The following GMDS variants were observed in gnomAD, a reference collection of about 807,000 sequenced individuals.
GMDS encodes the protein GDP-mannose 4,6 dehydratase.
A neutral mutation model predicts 49.9 loss-of-function variants in GMDS; 20 were observed. That is an observed-to-expected ratio of 0.40 (90% CI 0.28 to 0.58). GMDS has a LOEUF of 0.58. GMDS is among the 20% of genes least tolerant of loss of function. GMDS has a pLI of 0.42. For synonymous variants in GMDS, 177 were observed against 178.6 expected (o/e 0.99, Z 0.07); for missense variants, 362 against 481.4 (o/e 0.75, Z 2.32).
At chr6:1,780,291 G>A (rs1276700823) in intron 7 of GMDS, among the ~76,000 whole-genome samples, 1 of 152,212 alleles carries the variant, frequency 6.6e-6, no homozygotes, top group East Asian at 1.9e-4. Context: ...CTTCTCATCT[G>A]TAAAATGATG....
intron 9 of GMDS, among the ~76,000 whole-genome samples, chr6:1,648,796 T>C (rs917334692): frequency 6.6e-5 from 10 of 152,218 alleles, no homozygotes; most frequent in African/African-American, 1.9e-4. Context: ...TTTAAACTAT[T>C]ACGGCGATCA....
At chr6:1,931,648 T>C (rs1248483823) in intron 6 of GMDS, among the ~76,000 whole-genome samples, 1 of 152,238 alleles carries the variant, frequency 6.6e-6, no homozygotes, top group Non-Finnish European at 1.5e-5. Context: ...TATTGACTTG[T>C]AAGAATTAAA....
intron 2 of GMDS, 25 bp from the exon 3 acceptor site, chr6:2,117,581 TA>T: frequency 7.9e-7 from 1 of 1,259,234 alleles, no homozygotes; most frequent in African/African-American, 1.5e-5. Context: ...TGTGGAAAGA[TA>T]AATGTGCAAT....
chr6:1,952,760 C>T (rs749103020), intron 6 of GMDS, among the ~76,000 whole-genome samples: 3 of 152,054 alleles, frequency 2.0e-5, no homozygotes, highest in Non-Finnish European at 4.4e-5. Context: ...AAAGAAGATC[C>T]ACAGGGAGAG....
chr6:1,716,156 A>G (rs1489208296), intron 9 of GMDS, among the ~76,000 whole-genome samples: 1 of 152,248 alleles, frequency 6.6e-6, no homozygotes, highest in Non-Finnish European at 1.5e-5. Context: ...GTAAAAAAAG[A>G]TTAAAAACAT....
chr6:2,024,769 C>A (rs1311321125), intron 4 of GMDS, among the ~76,000 whole-genome samples: 2 of 151,698 alleles, frequency 1.3e-5, no homozygotes, highest in South Asian at 2.1e-4. Context: ...ATATCAATAA[C>A]AGCAATAAGT....
At chr6:1,761,616 T>G (rs1439818121) in intron 7 of GMDS, among the ~76,000 whole-genome samples, 1 of 152,240 alleles carries the variant, frequency 6.6e-6, no homozygotes, top group Non-Finnish European at 1.5e-5. Context: ...GAACAATGTC[T>G]TCATTGTTTG....
At chr6:2,090,407 T>G (rs1232865428) in intron 4 of GMDS, among the ~76,000 whole-genome samples, 1 of 152,172 alleles carries the variant, frequency 6.6e-6, no homozygotes, top group African/African-American at 2.4e-5. Flanking sequence ...TATAAACACA[T>G]TTATACACCA....
chr6:2,131,986 C>T (rs1442337407), intron 1 of GMDS, among the ~76,000 whole-genome samples: 2 of 152,146 alleles, frequency 1.3e-5, no homozygotes, highest in African/African-American at 4.8e-5. Flanking sequence ...AGCACTTGTA[C>T]AGCACTTGGT....
At chr6:2,197,671 T>C (rs902695042) in intron 1 of GMDS, among the ~76,000 whole-genome samples, 2 of 152,220 alleles carry the variant, frequency 1.3e-5, no homozygotes, top group South Asian at 2.1e-4. Flanking sequence ...CAAATCAAAG[T>C]ATCCCATTTC....
intron 4 of GMDS, among the ~76,000 whole-genome samples, chr6:2,081,972 C>T (rs1206276086): frequency 6.6e-6 from 1 of 152,112 alleles, no homozygotes; most frequent in African/African-American, 2.4e-5. Flanking sequence ...AACCCAATGC[C>T]CAGCTCAATC....
At chr6:2,043,253 T>G (rs918827571) in intron 4 of GMDS, 1 of 152,232 alleles carries the variant, frequency 6.6e-6, no homozygotes, top group African/African-American at 2.4e-5. Context: ...TGTTGAAAAA[T>G]CCTCAGTTTT....
chr6:2,132,097 G>A (rs1241988647), intron 1 of GMDS, among the ~76,000 whole-genome samples: 3 of 152,176 alleles, frequency 2.0e-5, no homozygotes, highest in Non-Finnish European at 4.4e-5. Context: ...TTTTACAGAT[G>A]AGGAATCTGA....
intron 7 of GMDS, among the ~76,000 whole-genome samples, chr6:1,861,555 C>T (rs1387408979): frequency 6.6e-6 from 1 of 151,710 alleles, no homozygotes; most frequent in Non-Finnish European, 1.5e-5. Context: ...TGAGCAGATT[C>T]CTCTAATTTC....
intron 7 of GMDS, among the ~76,000 whole-genome samples, chr6:1,911,984 T>C (rs184811471): frequency 1.3e-5 from 2 of 152,308 alleles, no homozygotes; most frequent in African/African-American, 4.8e-5. Flanking sequence ...GGTCTGAGGC[T>C]ACATTTGAAG....
chr6:1,781,173 G>A (rs1769067672), intron 7 of GMDS, among the ~76,000 whole-genome samples: 1 of 152,070 alleles, frequency 6.6e-6, no homozygotes, highest in African/African-American at 2.4e-5. Flanking sequence ...AAATGGCCTT[G>A]TGTTTCAGGG....
chr6:2,227,010 T>C (rs999106263), intron 1 of GMDS, among the ~76,000 whole-genome samples: 3 of 152,186 alleles, frequency 2.0e-5, no homozygotes, highest in African/African-American at 7.2e-5. Flanking sequence ...AGTAACAAGT[T>C]AGTCAAAACA....
At chr6:1,699,436 C>T (rs1765463091) in intron 9 of GMDS, among the ~76,000 whole-genome samples, 1 of 151,946 alleles carries the variant, frequency 6.6e-6, no homozygotes, top group Non-Finnish European at 1.5e-5. Context: ...TCCAGCCTAA[C>T]ACATTAACGC....
At chr6:1,767,359 A>C (rs1429651498) in intron 7 of GMDS, among the ~76,000 whole-genome samples, 1 of 152,366 alleles carries the variant, frequency 6.6e-6, no homozygotes, top group East Asian at 1.9e-4. Context: ...GGAAATAAAA[A>C]TACCAGTTCA....
Sources: allele counts gnomAD v4.1 joint callset (sites outside exome capture counted in the v4.1 genomes callset), GRCh38; gene constraint gnomAD v4.1.1; transcripts MANE v1.5; gene names NCBI Gene and HGNC (gene_info 2026-07-23, HGNC 2026-07-21).